The following MZT1 variants were observed in gnomAD, a reference collection of about 807,000 sequenced individuals.
The protein encoded by MZT1 is mitotic spindle organizing protein 1.
In MZT1, 8 loss-of-function variants were observed where a neutral mutation model predicts 8.5. The observed-to-expected ratio is 0.94, with a 90% CI of 0.55 to 1.70. The LOEUF is 1.70. MZT1 is among the 40% of genes most tolerant of loss of function. The pLI is 0.00. For synonymous variants in MZT1, 38 were observed against 42.0 expected (o/e 0.90, Z 0.37); for missense variants, 93 against 108.6 (o/e 0.86, Z 0.64).
At chr13:72,726,052 T>C (rs2032651122) in intron 1 of MZT1, among the ~76,000 whole-genome samples, 2 of 152,044 alleles carry the variant, frequency 1.3e-5, no homozygotes, top group African/African-American at 4.8e-5. Context: ...AAAAATTAGA[T>C]GCAAAGGCTC....
chr13:72,712,003 C>A (rs370072344), intron 2 of MZT1, among the ~76,000 whole-genome samples: 1 of 152,132 alleles, frequency 6.6e-6, no homozygotes, highest in East Asian at 1.9e-4. Context: ...AACATTATTG[C>A]AGGCAATCTC....
At chr13:72,719,559 T>C (rs893843754) in intron 1 of MZT1, among the ~76,000 whole-genome samples, 2 of 152,196 alleles carry the variant, frequency 1.3e-5, no homozygotes, top group African/African-American at 4.8e-5. Context: ...CTAAATTTTA[T>C]TTCATTAGGA....
intron 2 of MZT1, among the ~76,000 whole-genome samples, chr13:72,712,676 T>C (rs1018144909): frequency 6.6e-6 from 1 of 152,202 alleles, no homozygotes; most frequent in Admixed American, 6.5e-5. Context: ...CTATGTTAAA[T>C]TGGCATTTCT....
At chr13:72,725,564 G>T (rs1047824210) in intron 1 of MZT1, among the ~76,000 whole-genome samples, 2 of 151,418 alleles carry the variant, frequency 1.3e-5, no homozygotes, top group Non-Finnish European at 2.9e-5. Context: ...TTGATCTCAC[G>T]GGTTGATTTA....
In MZT1 at chr13:72,709,661, A is replaced by T. The variant is rs1460672818; in HGVS notation, c.*661T>A. ...TAAAATCCAAGTTTCTCAAAGTTTG[A>T]TTTTTTTACTCAATACAAAAATGAC... On this transcript the variant is annotated 3_prime_UTR_variant, in exon 3 of 3. Coordinates refer to ENST00000377818, the MANE Select transcript of MZT1 (RefSeq NM_001071775.3). 6.6e-6 allele frequency: 1 copy of T among 152,042 alleles called. No individual in the cohort carries two copies. The highest frequency in any genetic ancestry group is 1.5e-5 in the Non-Finnish European group (1 of 67,926). 9.4% of individuals were successfully genotyped at this position (152,042 alleles called of 1,614,324 possible).
At chr13:72,711,264 A>G (rs576279466) in intron 2 of MZT1, among the ~76,000 whole-genome samples, 5 of 152,344 alleles carry the variant, frequency 3.3e-5, no homozygotes, top group African/African-American at 1.2e-4. Flanking sequence ...TAAAAATTCA[A>G]TGTCAATAAA....
chr13:72,711,403 A>G (rs190342670), intron 2 of MZT1, among the ~76,000 whole-genome samples: 11 of 152,316 alleles, frequency 7.2e-5, no homozygotes, highest in Admixed American at 6.5e-4. Flanking sequence ...TACTTTTACT[A>G]TAAATGACTT....
In MZT1 at chr13:72,709,627, C is replaced by G. The variant is rs2032467300; in HGVS notation, c.*695G>C. ...CAAATAATACTAACCTAAGCATTGT[C>G]ATTACTTTTAAAATCCAAGTTTCTC... is the stretch of plus-strand genomic sequence containing the variant. On this transcript the variant is annotated 3_prime_UTR_variant, in exon 3 of 3. Coordinates refer to ENST00000377818, the MANE Select transcript of MZT1 (RefSeq NM_001071775.3). The G allele has an allele frequency of 6.6e-6, 1 of 151,972 alleles. No homozygotes were observed. The highest frequency in any genetic ancestry group is 2.4e-5 in the African/African-American group (1 of 41,422). The allele number at this position is 151,972 out of a possible 1,614,324, so 9.4% of individuals were successfully genotyped here. A position where few individuals can be genotyped will look rare whatever the true frequency, so the allele number is the denominator to read the frequency against.
At chr13:72,720,227 T>C (rs1417399300) in intron 1 of MZT1, among the ~76,000 whole-genome samples, 1 of 152,218 alleles carries the variant, frequency 6.6e-6, no homozygotes, top group East Asian at 1.9e-4. Context: ...CCTTTATTCA[T>C]AGTAAATTCC....
At chr13:72,720,955 T>C (rs1467244186) in intron 1 of MZT1, among the ~76,000 whole-genome samples, 5 of 151,924 alleles carry the variant, frequency 3.3e-5, no homozygotes, top group Non-Finnish European at 2.9e-5. Context: ...ATGTCTTTCA[T>C]GCCTCTACTA....
In MZT1 at chr13:72,724,752, A is replaced by ATATGTGTGTGTGTGTG. The variant is rs1180726488; in HGVS notation, c.79+2771_79+2772insCACACACACACACATA. Among the ~76,000 whole-genome samples, 39 of 56,876 alleles carry ATATGTGTGTGTGTGTG rather than the reference A, an allele frequency of 6.9e-4. 2 individuals are homozygous for ATATGTGTGTGTGTGTG. The highest frequency in any genetic ancestry group is 2.4e-3 in the South Asian group (3 of 1,250). 37.3% of individuals were successfully genotyped at this position (56,876 alleles called of 152,430 possible). ...TATATATATATATACACATATATATATGTAAAGTGGTGCTACAGGCCGGGC... is the reference window on the plus strand; with the variant it reads ...TATATATATATATACACATATATATATATGTGTGTGTGTGTGTGTAAAGTGGTGCTACAGGCCGGGC... On this transcript the variant is annotated intron_variant, in intron 1 of 2. Transcript: ENST00000377818.
chr13:72,712,710 G>A (rs1368290552), intron 2 of MZT1, among the ~76,000 whole-genome samples: 2 of 152,114 alleles, frequency 1.3e-5, no homozygotes. Context: ...TAATATCGTA[G>A]CTTATATTTT....
At chr13:72,718,835 T>A in intron 2 of MZT1, 117 bp downstream of exon 2, 1 of 945,990 alleles carries the variant, frequency 1.1e-6, no homozygotes. Context: ...GGTCTTCTAG[T>A]GGTGTTGCAT....
chr13:72,726,876 T>C (rs1351969168), intron 1 of MZT1, among the ~76,000 whole-genome samples: 2 of 152,100 alleles, frequency 1.3e-5, no homozygotes, highest in Non-Finnish European at 2.9e-5. Flanking sequence ...ACAAATTTCG[T>C]GTTCTGCAAC....
chr13:72,717,139 G>A (rs778323504), intron 2 of MZT1, among the ~76,000 whole-genome samples: 24 of 152,184 alleles, frequency 1.6e-4, no homozygotes, highest in Non-Finnish European at 1.8e-4. Context: ...TAAATTCTCA[G>A]ATGCTAGTTC....
rs1052291216 is a variant in MZT1, at chr13:72,719,320, C to T, written c.80-223G>A. 3.3e-5 allele frequency among the ~76,000 whole-genome samples: 5 copies of T among 152,178 alleles called. No individual in the cohort carries two copies. The East Asian group carries it at 9.6e-4, about 29-fold the overall frequency. On this transcript the variant is annotated intron_variant, in intron 1 of 2. Coordinates refer to ENST00000377818, the MANE Select transcript of MZT1 (RefSeq NM_001071775.3). ...CTTCCCTTCACATAACTGCCTTTTACATCTTGCTATATATTCTAGCACTTG... is the reference window on the plus strand; with the variant it reads ...CTTCCCTTCACATAACTGCCTTTTATATCTTGCTATATATTCTAGCACTTG...
chr13:72,711,870 G>A (rs900942625), intron 2 of MZT1, among the ~76,000 whole-genome samples: 1 of 152,104 alleles, frequency 6.6e-6, no homozygotes, highest in African/African-American at 2.4e-5. Flanking sequence ...GGCAATAAGA[G>A]AGAACAAGAC....
At chr13:72,724,746 A>ATGTGTGTG (rs1360013351) in intron 1 of MZT1, among the ~76,000 whole-genome samples, 9 of 37,250 alleles carry the variant, frequency 2.4e-4, no homozygotes, top group South Asian at 1.2e-3. Context: ...ATATACACAT[A>ATGTGTGTG]TATATATGTA....
chr13:72,727,258 G>A (rs957038090), intron 1 of MZT1, among the ~76,000 whole-genome samples: 2 of 152,200 alleles, frequency 1.3e-5, no homozygotes, highest in African/African-American at 4.8e-5. Flanking sequence ...GAGGGGGCGC[G>A]GCATTCGCGC....
Sources: gnomAD v4.1 joint callset for allele counts (sites outside exome capture counted in the v4.1 genomes callset) on GRCh38, gnomAD v4.1.1 for gene constraint, MANE v1.5 for transcripts, NCBI Gene and HGNC (gene_info 2026-07-23, HGNC 2026-07-21) for gene names.